The following MTMR12 variants were observed in gnomAD, a reference collection of about 807,000 sequenced individuals.
The protein encoded by MTMR12 is myotubularin related protein 12, also known as myotubularin-related protein 12.
Under a neutral mutation model 96.7 loss-of-function variants are expected in MTMR12, and 33 were observed. The observed-to-expected ratio is 0.34, with a 90% CI of 0.26 to 0.46. The LOEUF (loss-of-function observed/expected upper bound fraction) is 0.46. Among genes scored for constraint, MTMR12 ranks in the 20% least tolerant of loss-of-function variants. MTMR12 has a pLI of 1.00. For missense variants in MTMR12, 721 were observed against 896.1 expected, an observed-to-expected ratio of 0.80 and a Z score of 2.49; for synonymous variants, 298 against 327.2, an observed-to-expected ratio of 0.91 and a Z score of 0.96.
At chr5:32,274,901 T>G (rs536629851) in intron 2 of MTMR12, among the ~76,000 whole-genome samples, 2 of 152,096 alleles carry the variant, frequency 1.3e-5, no homozygotes, top group African/African-American at 4.8e-5. Flanking sequence ...AGGTCAGTAT[T>G]CTCTGCCATC....
intron 1 of MTMR12, among the ~76,000 whole-genome samples, chr5:32,311,509 G>A (rs1016658706): frequency 1.3e-5 from 2 of 152,160 alleles, no homozygotes; most frequent in South Asian, 2.1e-4. Context: ...CACAGCCCAC[G>A]TGCTTCTGCA....
rs189464328 is a variant in MTMR12 at position 32,230,477 on chromosome 5, G to A, written c.1675-130C>T. On this transcript the variant is annotated intron_variant, in intron 15 of 15. Transcript: ENST00000382142. ...GAGACATCAGTGTTGCCATGTGAAT[G>A]CACACTCATTAACACGCTGTGACAT... 4 of 827,510 alleles carry A rather than the reference G, an allele frequency of 4.8e-6. No individual in the cohort carries two copies. The East Asian group carries it at 7.8e-5, about 16-fold the overall frequency. 51.3% of individuals were successfully genotyped at this position (827,510 alleles called of 1,614,324 possible).
chr5:32,274,221 T>C lies in MTMR12; in HGVS notation c.143-99A>G, dbSNP rs1749960990. The C allele has an allele frequency of 2.9e-6, 4 of 1,372,716 alleles. No homozygotes were observed. The African/African-American group carries it at 4.4e-5, about 15-fold the overall frequency. The allele number at this position is 1,372,716 out of a possible 1,614,324, so 85.0% of individuals were successfully genotyped here. On this transcript the variant is annotated intron_variant, in intron 2 of 15. Coordinates refer to ENST00000382142, the MANE Select transcript of MTMR12 (RefSeq NM_001040446.3). Reference sequence around the variant, plus strand: ...AGCCCTATTTACATAAGGACAAACATACAATACAACACAGGGCTTTAGAAC... The same window carrying C: ...AGCCCTATTTACATAAGGACAAACACACAATACAACACAGGGCTTTAGAAC...
At chr5:32,265,496 G>A (rs1749552958) in intron 6 of MTMR12, among the ~76,000 whole-genome samples, 1 of 152,156 alleles carries the variant, frequency 6.6e-6, no homozygotes, top group Admixed American at 6.5e-5. Context: ...ATATGATTTT[G>A]CAAATGTGCA....
chr5:32,238,988 T>C lies in MTMR12; in HGVS notation c.1344+13A>G, dbSNP rs777134104. 6.3e-7 allele frequency: 1 copy of C among 1,575,040 alleles called. No homozygotes were observed. The highest frequency in any genetic ancestry group is 8.7e-7 in the Non-Finnish European group (1 of 1,155,812). ...TCCCTATGACGGAAACAGTCTGCAGTGAGGGAACTCACCTCCTCTTTGTCG... is the reference window on the plus strand; with the variant it reads ...TCCCTATGACGGAAACAGTCTGCAGCGAGGGAACTCACCTCCTCTTTGTCG... On this transcript the variant is annotated intron_variant, in intron 13 of 15. Coordinates refer to ENST00000382142, the MANE Select transcript of MTMR12 (RefSeq NM_001040446.3).
In MTMR12 at chr5:32,227,715, A is replaced by G. The variant is rs1187891201; in HGVS notation, c.*2063T>C. 1.3e-5 allele frequency: 2 copies of G among 152,658 alleles called. No individual in the cohort carries two copies. Among genetic ancestry groups the G allele is most frequent in the African/African-American group, 4.8e-5 (2 of 41,462 alleles). 9.5% of individuals were successfully genotyped at this position (152,658 alleles called of 1,614,324 possible). ...AAGTGGAGGTTAGTGCTAATTTAAG[A>G]AGGCCTATAGAATGTATGTGAAGGT... On this transcript the variant is annotated 3_prime_UTR_variant, in exon 16 of 16. Transcript: ENST00000382142.
At chr5:32,280,689 TG>T (rs946136116) in intron 1 of MTMR12, among the ~76,000 whole-genome samples, 3 of 152,198 alleles carry the variant, frequency 2.0e-5, no homozygotes, top group African/African-American at 7.2e-5. Flanking sequence ...AATACCGACC[TG>T]GGGCCACAGT....
At chr5:32,241,912 A>C (rs1483928174) in intron 12 of MTMR12, 145 bp downstream of exon 12, 1 of 643,834 alleles carries the variant, frequency 1.6e-6, no homozygotes, top group Non-Finnish European at 2.5e-6. Flanking sequence ...AAGGCAAAGG[A>C]TTCCAAGGTT....
chr5:32,294,108 T>C (rs983217811), intron 1 of MTMR12, among the ~76,000 whole-genome samples: 2 of 152,146 alleles, frequency 1.3e-5, no homozygotes, highest in Non-Finnish European at 2.9e-5. Flanking sequence ...TGGCCCCTAC[T>C]GCATCCTCTG....
In MTMR12 at chr5:32,233,781, G is replaced by A. The variant is rs763368827; in HGVS notation, c.1666C>T (p.Arg556Cys). The A allele has an allele frequency of 2.7e-5, 43 of 1,614,056 alleles. No individual in the cohort carries two copies. The highest frequency in any genetic ancestry group is 8.9e-5 in the East Asian group (4 of 44,890). Reference sequence around the variant, plus strand: ...ACATGTGGACATCTTACTTTGAAGCGCATTCCTTTCCGTTGGCCTTTGTCC... The same window carrying A: ...ACATGTGGACATCTTACTTTGAAGCACATTCCTTTCCGTTGGCCTTTGTCC... ...KLDKGQRKGM[R>C]FKHQRQLSLP... The change falls in exon 15 of 16, where the codon CGC becomes TGC. Residue 556 changes from arginine to cysteine, a missense_variant. Physicochemically the swap from Arg to Cys is radical, Grantham distance 180 (BLOSUM62 -3). Coordinates refer to ENST00000382142, the MANE Select transcript of MTMR12 (RefSeq NM_001040446.3). The surrounding 1 kb of genome is among the most constrained non-coding windows in gnomAD (Gnocchi z 5.0).
intron 3 of MTMR12, among the ~76,000 whole-genome samples, chr5:32,272,669 G>A (rs1008715690): frequency 3.3e-5 from 5 of 152,068 alleles, no homozygotes; most frequent in African/African-American, 7.2e-5. Context: ...AAGAGCCACC[G>A]CGCGTGGTCC....
intron 14 of MTMR12, among the ~76,000 whole-genome samples, chr5:32,234,524 T>A (rs1748130347): frequency 6.6e-6 from 1 of 152,242 alleles, no homozygotes; most frequent in South Asian, 2.1e-4. Context: ...GGAGGACATC[T>A]GGTCTAACTG....
chr5:32,297,658 TTAC>T, intron 1 of MTMR12, among the ~76,000 whole-genome samples: 1 of 152,022 alleles, frequency 6.6e-6, no homozygotes. Flanking sequence ...AGTGAAAGCA[TTAC>T]TCATTTATGA....
intron 1 of MTMR12, among the ~76,000 whole-genome samples, chr5:32,277,496 C>T (rs763892121): frequency 7.9e-5 from 12 of 152,036 alleles, no homozygotes; most frequent in South Asian, 4.2e-4. Flanking sequence ...GTCAGGAGTT[C>T]GAAACCAGCC....
rs769359451 is a variant in MTMR12, at chr5:32,271,822, C to T, written c.358+11G>A. On this transcript the variant is annotated intron_variant, in intron 4 of 15. Coordinates refer to ENST00000382142, the MANE Select transcript of MTMR12 (RefSeq NM_001040446.3). The stretch of plus-strand genomic sequence containing the variant: ...AGGTTGCCAACACCCCAGGGAAAAA[C>T]AGATACTTACCTCCATAAATCTGAT... 1.2e-5 allele frequency: 19 copies of T among 1,525,104 alleles called. No individual in the cohort carries two copies. Among genetic ancestry groups the T allele is most frequent in the Non-Finnish European group, 1.6e-5 (18 of 1,120,932 alleles). 94.5% of individuals were successfully genotyped at this position (1,525,104 alleles called of 1,614,324 possible).
At chr5:32,255,544 C>T in intron 8 of MTMR12, 149 bp downstream of exon 8, 1 of 634,448 alleles carries the variant, frequency 1.6e-6, no homozygotes, top group Non-Finnish European at 2.5e-6. Context: ...CTTTAACAGA[C>T]TCTTCTAGGG....
chr5:32,239,520 C>A (rs991051683), intron 12 of MTMR12, among the ~76,000 whole-genome samples: 1 of 152,214 alleles, frequency 6.6e-6, no homozygotes. Context: ...ATAATGATGA[C>A]CTGCCAGGCT....
At chr5:32,263,039 G>A (rs188681561) in intron 7 of MTMR12, 74 bp downstream of exon 7, 2 of 1,561,408 alleles carry the variant, frequency 1.3e-6, no homozygotes, top group Admixed American at 3.4e-5. Context: ...GCACAACCCT[G>A]TGAATATACT....
intron 9 of MTMR12, 34 bp from the exon 10 acceptor site, chr5:32,248,160 G>A (rs767453803): frequency 1.0e-5 from 16 of 1,598,552 alleles, no homozygotes; most frequent in Non-Finnish European, 1.2e-5. Flanking sequence ...GATTAGAAGA[G>A]CAAACTCAAA....
Sources: allele counts gnomAD v4.1 joint callset (sites outside exome capture counted in the v4.1 genomes callset), GRCh38; gene constraint gnomAD v4.1.1; non-coding constraint Gnocchi (gnomAD v3.1); transcripts MANE v1.5; gene names NCBI Gene and HGNC (gene_info 2026-07-23, HGNC 2026-07-21).